SNAPC1: variants seen among roughly 807,000 people sequenced by gnomAD.
The protein encoded by SNAPC1 is snRNA-activating protein complex subunit 1.
A neutral mutation model predicts 50.1 loss-of-function variants in SNAPC1; 42 were observed. That is an observed-to-expected ratio of 0.84 (90% CI 0.65 to 1.08). SNAPC1 has a LOEUF of 1.08. Among genes scored for constraint, SNAPC1 ranks in the 50% least tolerant of loss-of-function variants. The pLI is 0.00. For missense variants in SNAPC1, 477 were observed against 427.3 expected (o/e 1.12, Z -1.02); for synonymous variants, 164 against 144.2 (o/e 1.14, Z -0.98).
At chr14:61,772,429 GA>G (rs2044998428) in intron 4 of SNAPC1, among the ~76,000 whole-genome samples, 1 of 152,228 alleles carries the variant, frequency 6.6e-6, no homozygotes, top group Non-Finnish European at 1.5e-5. Context: ...ATTTTTAGCA[GA>G]GGCAGGGTTT....
intron 8 of SNAPC1, 95 bp downstream of exon 8, chr14:61,782,492 A>T (rs1183697832): frequency 1.1e-6 from 1 of 874,976 alleles, no homozygotes; most frequent in Non-Finnish European, 1.7e-6. Flanking sequence ...GAAGGATTAG[A>T]TACTTGTTTG....
At chr14:61,762,964 C>T (rs72714597) in intron 1 of SNAPC1, among the ~76,000 whole-genome samples, 2 of 147,276 alleles carry the variant, frequency 1.4e-5, no homozygotes, top group Admixed American at 1.4e-4. Context: ...AATTTTTCCT[C>T]CAACAACCAA....
chr14:61,776,344 A>G (rs2045035414), intron 5 of SNAPC1, 91 bp downstream of exon 5: 1 of 1,179,970 alleles, frequency 8.5e-7, no homozygotes, highest in South Asian at 1.3e-5. Context: ...CTAGTTTTAG[A>G]GGCTGTAATC....
At position 61,763,460 on chromosome 14, in the gene SNAPC1, C is replaced by G. The variant is rs562247116; in HGVS notation, c.128+872C>G. Among the ~76,000 whole-genome samples, 184 of 149,312 alleles carry G rather than the reference C, an allele frequency of 1.2e-3. 1 individual carries two copies. The highest frequency in any genetic ancestry group is 0.012 in the Admixed American group (183 of 14,862). On this transcript the variant is annotated intron_variant, in intron 1 of 9. Transcript: ENST00000216294. ...GCTTCGCCTGCCAGTCCCCTCCATG[C>G]ACTCACTTTCTTGCTCCAGCAGCTG...
intron 8 of SNAPC1, among the ~76,000 whole-genome samples, chr14:61,790,748 T>C (rs1034189896): frequency 2.6e-5 from 4 of 152,072 alleles, no homozygotes; most frequent in Non-Finnish European, 1.5e-5. Context: ...CCTGATTCTT[T>C]AACTGTCATA....
At chr14:61,781,313 G>C (rs573851981) in intron 7 of SNAPC1, among the ~76,000 whole-genome samples, 1 of 152,106 alleles carries the variant, frequency 6.6e-6, no homozygotes, top group South Asian at 2.1e-4. Flanking sequence ...GCCGGGCGTG[G>C]TGGTGGGCGC....
rs760311013 is a variant in SNAPC1 at position 61,773,458 on chromosome 14, G to A, written c.535-2637G>A. Among the ~76,000 whole-genome samples, 90 of 141,256 alleles carry A rather than the reference G, an allele frequency of 6.4e-4. 1 individual carries two copies. The highest frequency in any genetic ancestry group is 2.7e-4 in the Non-Finnish European group (18 of 66,256). The allele number at this position is 141,256 out of a possible 152,430, so 92.7% of individuals were successfully genotyped here. Reference sequence around the variant, plus strand: ...CCCTCTGTCGCCCAGGCTGGAGTGCGATCTTGGCTCACTGCAAGCTCTGCT... The same window carrying A: ...CCCTCTGTCGCCCAGGCTGGAGTGCAATCTTGGCTCACTGCAAGCTCTGCT... On this transcript the variant is annotated intron_variant, in intron 4 of 9. Coordinates refer to ENST00000216294, the MANE Select transcript of SNAPC1 (RefSeq NM_003082.4).
intron 7 of SNAPC1, among the ~76,000 whole-genome samples, chr14:61,781,359 G>A (rs879351469): frequency 1.3e-5 from 2 of 149,132 alleles, no homozygotes; most frequent in Non-Finnish European, 3.0e-5. Context: ...TAAGGCAGGA[G>A]AATGGCGTGA....
At chr14:61,791,548 T>G (rs1566594319) in intron 8 of SNAPC1, among the ~76,000 whole-genome samples, 2 of 152,270 alleles carry the variant, frequency 1.3e-5, no homozygotes, top group East Asian at 3.9e-4. Context: ...TATAATGTAA[T>G]GATTCTATCA....
chr14:61,791,643 T>C (rs1297367449), intron 8 of SNAPC1, among the ~76,000 whole-genome samples: 1 of 151,842 alleles, frequency 6.6e-6, no homozygotes, highest in Non-Finnish European at 1.5e-5. Flanking sequence ...AGGTCAGGAG[T>C]TTGAAACCAG....
chr14:61,775,933 G>T (rs1335785936), intron 4 of SNAPC1, among the ~76,000 whole-genome samples, 162 bp from the exon 5 acceptor site: 1 of 152,060 alleles, frequency 6.6e-6, no homozygotes, highest in African/African-American at 2.4e-5. Flanking sequence ...TAATGAAGTT[G>T]TACTATTTTG....
At chr14:61,767,933 C>A (rs778762213) in intron 3 of SNAPC1, among the ~76,000 whole-genome samples, 95 of 152,172 alleles carry the variant, frequency 6.2e-4, no homozygotes, top group Non-Finnish European at 7.3e-4. Context: ...GCGCCCTCCA[C>A]CACGCCTAGC....
chr14:61,774,678 T>TTTTTTTTG (rs750612622), intron 4 of SNAPC1, among the ~76,000 whole-genome samples: 9 of 129,284 alleles, frequency 7.0e-5, no homozygotes, highest in African/African-American at 2.1e-4. Flanking sequence ...TTTTTTTTTT[T>TTTTTTTTG]GAGAGGCAGA....
At chr14:61,781,450 CAAAAAAA>C (rs769588943) in intron 7 of SNAPC1, among the ~76,000 whole-genome samples, 1 of 63,608 alleles carries the variant, frequency 1.6e-5, no homozygotes, top group Admixed American at 1.7e-4. Context: ...ACTCCATCTC[CAAAAAAA>C]AAAAAAAAAA....
At chr14:61,794,811 G>A in intron 9 of SNAPC1, 138 bp from the exon 10 acceptor site, 4 of 688,802 alleles carry the variant, frequency 5.8e-6, no homozygotes, top group Non-Finnish European at 1.0e-5. Context: ...CATTCTTATT[G>A]TGTTGTACCA....
chr14:61,776,692 TA>T (rs1309193764), intron 5 of SNAPC1, among the ~76,000 whole-genome samples: 1 of 152,206 alleles, frequency 6.6e-6, no homozygotes, highest in Non-Finnish European at 1.5e-5. Flanking sequence ...CAACTTCTCT[TA>T]AAATTCAGAA....
At chr14:61,766,608 ATATT>A (rs2044950194) in intron 1 of SNAPC1, among the ~76,000 whole-genome samples, 1 of 152,254 alleles carries the variant, frequency 6.6e-6, no homozygotes, top group African/African-American at 2.4e-5. Flanking sequence ...TGGGTTTTAA[ATATT>A]TAACCAATAG....
chr14:61,768,012 T>G (rs969033817), intron 3 of SNAPC1, among the ~76,000 whole-genome samples: 4 of 152,202 alleles, frequency 2.6e-5, no homozygotes, highest in African/African-American at 9.6e-5. Flanking sequence ...ACTCCTGACC[T>G]CAGGTGATCC....
At chr14:61,763,016 A>C (rs1461684556) in intron 1 of SNAPC1, among the ~76,000 whole-genome samples, 1 of 59,102 alleles carries the variant, frequency 1.7e-5, no homozygotes, top group African/African-American at 6.3e-5. Context: ...TTTGAGACGG[A>C]GTCTCCTTTT....
Sources: gnomAD v4.1 joint callset for allele counts (sites outside exome capture counted in the v4.1 genomes callset) on GRCh38, gnomAD v4.1.1 for gene constraint, MANE v1.5 for transcripts, NCBI Gene and HGNC (gene_info 2026-07-23, HGNC 2026-07-21) for gene names.